The following PCDH15 variants were observed in gnomAD, a reference collection of about 807,000 sequenced individuals.
The protein encoded by PCDH15 is protocadherin-15.
In PCDH15, 129 loss-of-function variants were observed where a neutral mutation model predicts 178.5. The ratio of observed to expected loss-of-function variants is 0.72; its 90% CI spans 0.63 to 0.84. The LOEUF is 0.84. Among genes scored for constraint, PCDH15 ranks in the 40% least tolerant of loss-of-function variants. PCDH15 has a pLI of 0.00. For synonymous variants in PCDH15, 800 were observed against 732.0 expected (o/e 1.09, Z -1.50); for missense variants, 2,230 against 2,099.9 (o/e 1.06, Z -1.21).
intron 2 of PCDH15, among the ~76,000 whole-genome samples, chr10:55,361,134 C>A (rs1378395964): frequency 6.6e-6 from 1 of 151,752 alleles, no homozygotes. Flanking sequence ...ATATAAAGTT[C>A]AAAAATAGGT....
At chr10:54,302,351 A>T (rs1222184931) in intron 8 of PCDH15, among the ~76,000 whole-genome samples, 1 of 152,202 alleles carries the variant, frequency 6.6e-6, no homozygotes, top group Non-Finnish European at 1.5e-5. Context: ...GTTGTTTTAG[A>T]CTAGACTGTA....
At chr10:54,857,266 C>T (rs545979696) in intron 3 of PCDH15, among the ~76,000 whole-genome samples, 2 of 152,174 alleles carry the variant, frequency 1.3e-5, no homozygotes, top group East Asian at 3.9e-4. Flanking sequence ...TAAATGAACT[C>T]ATAAATATAA....
intron 2 of PCDH15, among the ~76,000 whole-genome samples, chr10:55,009,695 C>T (rs1399047128): frequency 6.6e-6 from 1 of 151,952 alleles, no homozygotes; most frequent in Non-Finnish European, 1.5e-5. Context: ...AAAGAAATAG[C>T]TATATTACTA....
intron 2 of PCDH15, among the ~76,000 whole-genome samples, chr10:54,531,494 G>C (rs1003975850): frequency 5.3e-5 from 8 of 152,088 alleles, no homozygotes; most frequent in African/African-American, 1.9e-4. Context: ...TGTCATTGTA[G>C]CCTGAATTTT....
At chr10:54,410,770 G>A (rs1953372734) in intron 3 of PCDH15, among the ~76,000 whole-genome samples, 1 of 152,058 alleles carries the variant, frequency 6.6e-6, no homozygotes, top group South Asian at 2.1e-4. Flanking sequence ...TGCAAGTTAG[G>A]CTAAAATGTA....
chr10:55,562,558 A>G (rs1039170599), intron 2 of PCDH15, among the ~76,000 whole-genome samples: 3 of 151,796 alleles, frequency 2.0e-5, no homozygotes, highest in African/African-American at 7.3e-5. Context: ...ACATCTATAA[A>G]CTCCAGTGTC....
intron 2 of PCDH15, among the ~76,000 whole-genome samples, chr10:55,530,390 A>G (rs1209206655): frequency 6.6e-6 from 1 of 151,960 alleles, no homozygotes; most frequent in African/African-American, 2.4e-5. Flanking sequence ...ACTCTTGTAT[A>G]TGTGAATGTG....
Position 54,652,431 on chromosome 10 carries a change from C to A in PCDH15, c.91+11741G>T, listed in dbSNP as rs1331164504. On this transcript the variant is annotated intron_variant, in intron 2 of 37. Coordinates refer to ENST00000644397, the MANE Select transcript of PCDH15 (RefSeq NM_001384140.1). ...TGATAAAAGCCATATGCCTAAGACC[C>A]TGCAGTATCAAAGAACTAAGACTCG... Among the ~76,000 whole-genome samples the A allele has an allele frequency of 2.0e-5, 3 of 152,290 alleles. No homozygotes were observed. The East Asian group carries it at 5.8e-4, about 29-fold the overall frequency.
chr10:54,374,761 A>G (rs1182540324), intron 4 of PCDH15, among the ~76,000 whole-genome samples: 1 of 152,110 alleles, frequency 6.6e-6, no homozygotes, highest in Non-Finnish European at 1.5e-5. Flanking sequence ...CTTATAAACC[A>G]AGTTTTAAAA....
intron 3 of PCDH15, among the ~76,000 whole-genome samples, chr10:54,509,385 T>C (rs1187317210): frequency 2.0e-5 from 3 of 152,118 alleles, no homozygotes; most frequent in Non-Finnish European, 2.9e-5. Context: ...TCTGCCACCA[T>C]GAAAGATGTG....
chr10:55,218,615 C>T (rs1171719857), intron 1 of PCDH15, among the ~76,000 whole-genome samples: 2 of 152,006 alleles, frequency 1.3e-5, no homozygotes, highest in Non-Finnish European at 2.9e-5. Context: ...ATTCAGTCAT[C>T]CTTCGTTGAT....
chr10:54,210,130 T>G (rs1231107573), intron 10 of PCDH15, among the ~76,000 whole-genome samples: 1 of 152,144 alleles, frequency 6.6e-6, no homozygotes, highest in East Asian at 1.9e-4. Flanking sequence ...ATAAGTAGCT[T>G]TAGTTGTGCC....
At chr10:55,492,476 T>C (rs990764608) in intron 2 of PCDH15, among the ~76,000 whole-genome samples, 2 of 151,696 alleles carry the variant, frequency 1.3e-5, no homozygotes, top group African/African-American at 2.4e-5. Flanking sequence ...CAAGGAAGGA[T>C]GTCAGGAGCT....
intron 13 of PCDH15, among the ~76,000 whole-genome samples, chr10:54,180,253 T>C (rs2047860580): frequency 6.6e-6 from 1 of 152,126 alleles, no homozygotes; most frequent in African/African-American, 2.4e-5. Flanking sequence ...GTAAGAGACA[T>C]ATATAAAGTC....
intron 1 of PCDH15, among the ~76,000 whole-genome samples, chr10:55,225,403 A>G (rs1241835827): frequency 6.6e-6 from 1 of 152,104 alleles, no homozygotes; most frequent in African/African-American, 2.4e-5. Flanking sequence ...CCTTTAGAGC[A>G]AGATAGACTA....
chr10:54,286,310 C>G (rs2132854275), intron 8 of PCDH15, among the ~76,000 whole-genome samples: 1 of 151,990 alleles, frequency 6.6e-6, no homozygotes, highest in Non-Finnish European at 1.5e-5. Flanking sequence ...ACACTATACC[C>G]CATAAATATG....
intron 2 of PCDH15, among the ~76,000 whole-genome samples, chr10:55,017,795 C>T (rs1326618025): frequency 2.0e-5 from 3 of 151,864 alleles, no homozygotes; most frequent in African/African-American, 4.8e-5. Context: ...AGTATACCTC[C>T]AAAGGCCTAT....
chr10:54,770,582 C>T (rs1021840743), intron 1 of PCDH15, among the ~76,000 whole-genome samples: 1 of 152,074 alleles, frequency 6.6e-6, no homozygotes, highest in African/African-American at 2.4e-5. Flanking sequence ...ACCTGCCTAG[C>T]ATACATTTCC....
chr10:54,770,478 C>G (rs952234929), intron 1 of PCDH15, among the ~76,000 whole-genome samples: 7 of 152,034 alleles, frequency 4.6e-5, no homozygotes, highest in African/African-American at 1.7e-4. Flanking sequence ...ACAGAGCCAT[C>G]CTTTTCAGAA....
Sources: allele counts gnomAD v4.1 joint callset (sites outside exome capture counted in the v4.1 genomes callset), GRCh38; gene constraint gnomAD v4.1.1; transcripts MANE v1.5; gene names NCBI Gene and HGNC (gene_info 2026-07-23, HGNC 2026-07-21).